The following GINS4 variants were observed in gnomAD, a reference collection of about 807,000 sequenced individuals.
GINS4 encodes the protein GINS complex subunit 4, also known as DNA replication complex GINS protein SLD5.
A neutral mutation model predicts 31.1 loss-of-function variants in GINS4; 20 were observed. The observed-to-expected ratio is 0.64, with a 90% CI of 0.45 to 0.93. The LOEUF (loss-of-function observed/expected upper bound fraction) is 0.93. Ranked by LOEUF, GINS4 falls within the 40% of genes least tolerant of loss-of-function variation. The pLI is 0.00. For missense variants in GINS4, 245 were observed against 273.9 expected, an observed-to-expected ratio of 0.89 and a Z score of 0.75; for synonymous variants, 85 against 97.9, an observed-to-expected ratio of 0.87 and a Z score of 0.78.
chr8:41,539,319 C>CAAA (rs36097557), intron 4 of GINS4, among the ~76,000 whole-genome samples: 1,359 of 55,298 alleles, frequency 0.025, 72 homozygotes, highest in African/African-American at 0.054. Context: ...GACTCCATCT[C>CAAA]AAAAAAAAAA....
At chr8:41,534,128 C>T (rs941666002) in intron 2 of GINS4, 2 of 191,800 alleles carry the variant, frequency 1.0e-5, no homozygotes, top group African/African-American at 2.4e-5. Flanking sequence ...AGGGGCCAGG[C>T]ACAGTGGTTC....
intron 2 of GINS4, among the ~76,000 whole-genome samples, chr8:41,533,399 C>T (rs1806682156): frequency 6.6e-6 from 1 of 152,166 alleles, no homozygotes; most frequent in Non-Finnish European, 1.5e-5. Flanking sequence ...CATCGGGGTC[C>T]TTGAAAGGCA....
rs546928174 is a variant in GINS4, at chr8:41,529,848, T to G, written c.-19-336T>G. The G allele has an allele frequency of 2.7e-5, 5 of 187,660 alleles. No individual in the cohort carries two copies. In the South Asian group the frequency reaches 4.9e-4, roughly 18 times the overall value. 11.6% of individuals were successfully genotyped at this position (187,660 alleles called of 1,614,324 possible). A position where few individuals can be genotyped will look rare whatever the true frequency, so the allele number is the denominator to read the frequency against. Reference sequence around the variant, plus strand: ...GCCAGGCACTGAGCAGAGGCGCGATTCGTATTTGAACTAAAACGAACCCCG... The same window carrying G: ...GCCAGGCACTGAGCAGAGGCGCGATGCGTATTTGAACTAAAACGAACCCCG... On this transcript the variant is annotated intron_variant, in intron 1 of 7. Coordinates refer to ENST00000276533, the MANE Select transcript of GINS4 (RefSeq NM_032336.3).
At position 41,531,163 on chromosome 8, in the gene GINS4, T is replaced by C. The variant is rs570753844; in HGVS notation, c.96+865T>C. 5.3e-5 allele frequency among the ~76,000 whole-genome samples: 8 copies of C among 152,248 alleles called. No homozygotes were observed. The East Asian group carries it at 1.5e-3, about 29-fold the overall frequency. ...GGCGCATGCCTGTAATCCCAGCTAC[T>C]CGGGAGGCTAAGGCCGGAGGATCAC... On this transcript the variant is annotated intron_variant, in intron 2 of 7. Transcript: ENST00000276533.
chr8:41,542,294 G>C lies in GINS4; in HGVS notation c.*207G>C. On this transcript the variant is annotated 3_prime_UTR_variant, in exon 8 of 8. Coordinates refer to ENST00000276533, the MANE Select transcript of GINS4 (RefSeq NM_032336.3). ...AGCTACTCAGGAGGCCGGGGCAGGA[G>C]AATCGCTTGAACCTGGGAGCAGGAG... is the stretch of plus-strand genomic sequence containing the variant. 1.8e-6 allele frequency: 1 copy of C among 551,268 alleles called. No individual in the cohort carries two copies. Among genetic ancestry groups the C allele is most frequent in the East Asian group, 3.2e-5 (1 of 31,204 alleles). 34.1% of individuals were successfully genotyped at this position (551,268 alleles called of 1,614,324 possible).
In GINS4 at chr8:41,531,046, C is replaced by T. The variant is rs150276257; in HGVS notation, c.96+748C>T. Among the ~76,000 whole-genome samples the T allele has an allele frequency of 1.0e-3, 159 of 152,246 alleles. 4 individuals are homozygous for T. The East Asian group carries it at 0.017, about 16-fold the overall frequency. On this transcript the variant is annotated intron_variant, in intron 2 of 7. Transcript: ENST00000276533. Reference sequence around the variant, plus strand: ...CAGCACTTTGGGAGGCTGAGGTGGGCGGATCACCTGAGGTCCAGGAGTTCG... The same window carrying T: ...CAGCACTTTGGGAGGCTGAGGTGGGTGGATCACCTGAGGTCCAGGAGTTCG...
Position 41,530,310 on chromosome 8 carries a change from A to T in GINS4, c.96+12A>T. 1.3e-6 allele frequency: 2 copies of T among 1,587,800 alleles called. No homozygotes were observed. The highest frequency in any genetic ancestry group is 1.7e-6 in the Non-Finnish European group (2 of 1,158,660). The stretch of plus-strand genomic sequence containing the variant: ...AAAGATTGGAGCAGGTAAGCATCCC[A>T]GATCGAATCCCTTTGCTCCAGTCAG... On this transcript the variant is annotated intron_variant, in intron 2 of 7. Coordinates refer to ENST00000276533, the MANE Select transcript of GINS4 (RefSeq NM_032336.3).
At chr8:41,529,611 A>G (rs1806620396) in intron 1 of GINS4, 1 of 152,110 alleles carries the variant, frequency 6.6e-6, no homozygotes, top group African/African-American at 2.4e-5. Context: ...CTTCCTAACA[A>G]TTTTTGTTTT....
At chr8:41,529,963 G>A (rs1382629706) in intron 1 of GINS4, 4 of 483,452 alleles carry the variant, frequency 8.3e-6, no homozygotes, top group Non-Finnish European at 1.5e-5. Flanking sequence ...GTGGACAGAA[G>A]TAAGGGGGAG....
intron 4 of GINS4, chr8:41,537,527 C>T: frequency 2.3e-6 from 1 of 436,612 alleles, no homozygotes; most frequent in Non-Finnish European, 4.1e-6. Flanking sequence ...AGTCTGTTCA[C>T]CTGCCGAGTG....
In GINS4 at chr8:41,542,946, G is replaced by A. The variant is rs1488395448; in HGVS notation, c.*859G>A. On this transcript the variant is annotated 3_prime_UTR_variant, in exon 8 of 8. Coordinates refer to ENST00000276533, the MANE Select transcript of GINS4 (RefSeq NM_032336.3). Reference sequence around the variant, plus strand: ...TCTCAGCACGCCTTTTCCCTTTGTAGTATTTTCTGAGCTAAGGAAAGTCAG... The same window carrying A: ...TCTCAGCACGCCTTTTCCCTTTGTAATATTTTCTGAGCTAAGGAAAGTCAG... 1.3e-5 allele frequency: 2 copies of A among 152,234 alleles called. No homozygotes were observed. Among genetic ancestry groups the A allele is most frequent in the Non-Finnish European group, 1.5e-5 (1 of 68,062 alleles). The allele number at this position is 152,234 out of a possible 1,614,324, so 9.4% of individuals were successfully genotyped here.
At chr8:41,532,073 G>A (rs1055279068) in intron 2 of GINS4, among the ~76,000 whole-genome samples, 1 of 152,216 alleles carries the variant, frequency 6.6e-6, no homozygotes, top group Non-Finnish European at 1.5e-5. Flanking sequence ...CCAAAGTGCT[G>A]GGATTACAGG....
At chr8:41,539,226 C>T (rs943354273) in intron 4 of GINS4, among the ~76,000 whole-genome samples, 2 of 141,688 alleles carry the variant, frequency 1.4e-5, no homozygotes, top group Admixed American at 7.7e-5. Flanking sequence ...AGGCTGAGGC[C>T]GGAGAATCAC....
intron 2 of GINS4, among the ~76,000 whole-genome samples, chr8:41,532,762 G>A (rs1330074993): frequency 1.3e-5 from 2 of 151,306 alleles, no homozygotes; most frequent in Admixed American, 1.3e-4. Flanking sequence ...GAACCCAGGA[G>A]GTGGAGATTG....
chr8:41,542,206 C>T lies in GINS4; in HGVS notation c.*119C>T. On this transcript the variant is annotated 3_prime_UTR_variant, in exon 8 of 8. Transcript: ENST00000276533. ...AGACCAACCGACCAACATGGTGAAACCCCATCTTTACTAAAAATACAAAAT... is the reference window on the plus strand; with the variant it reads ...AGACCAACCGACCAACATGGTGAAATCCCATCTTTACTAAAAATACAAAAT... The T allele has an allele frequency of 6.9e-6, 5 of 727,098 alleles. No homozygotes were observed. The highest frequency in any genetic ancestry group is 1.2e-5 in the Non-Finnish European group (5 of 404,246). 45.0% of individuals were successfully genotyped at this position (727,098 alleles called of 1,614,324 possible). A position where few individuals can be genotyped will look rare whatever the true frequency, so the allele number is the denominator to read the frequency against.
chr8:41,540,949 T>A (rs1474881962), intron 6 of GINS4, among the ~76,000 whole-genome samples: 6 of 152,198 alleles, frequency 3.9e-5, no homozygotes, highest in Admixed American at 2.0e-4. Context: ...GCCTTCCATA[T>A]GTCCTCACAG....
intron 2 of GINS4, among the ~76,000 whole-genome samples, chr8:41,530,961 G>T (rs1041816878): frequency 6.6e-6 from 1 of 152,152 alleles, no homozygotes; most frequent in East Asian, 1.9e-4. Context: ...GTCTCAAGCC[G>T]TTGCTTGCCT....
At chr8:41,533,016 A>G (rs1040928955) in intron 2 of GINS4, among the ~76,000 whole-genome samples, 1 of 152,184 alleles carries the variant, frequency 6.6e-6, no homozygotes, top group Admixed American at 6.5e-5. Flanking sequence ...CATGTACTCT[A>G]GGAGACATCC....
rs373345062 is a variant in GINS4, at chr8:41,536,455, C to A, written c.183+9C>A. ...AACAGCTGGAGCACATGGTAAGAGT[C>A]GCTTGTCTTGGGTTGACAAAGGAGG... is the stretch of plus-strand genomic sequence containing the variant. On this transcript the variant is annotated intron_variant, in intron 3 of 7. Transcript: ENST00000276533. 1.3e-6 allele frequency: 2 copies of A among 1,567,364 alleles called. No individual in the cohort carries two copies. The highest frequency in any genetic ancestry group is 2.2e-5 in the South Asian group (2 of 90,082).
Sources: allele counts gnomAD v4.1 joint callset (sites outside exome capture counted in the v4.1 genomes callset), GRCh38; gene constraint gnomAD v4.1.1; transcripts MANE v1.5; gene names NCBI Gene and HGNC (gene_info 2026-07-23, HGNC 2026-07-21).